The following PNPLA3 variants were observed in gnomAD, a reference collection of about 807,000 sequenced individuals.
PNPLA3 encodes 1-acylglycerol-3-phosphate O-acyltransferase PNPLA3.
In PNPLA3, 42 loss-of-function variants were observed where a neutral mutation model predicts 43.1. The ratio of observed to expected loss-of-function variants is 0.97; its 90% CI spans 0.76 to 1.26. The LOEUF is 1.26. Among genes scored for constraint, PNPLA3 ranks in the 50% most tolerant of loss-of-function variants. The pLI is 0.00. For missense variants in PNPLA3, 647 were observed against 621.4 expected (o/e 1.04, Z -0.44); for synonymous variants, 272 against 253.6 (o/e 1.07, Z -0.69).
intron 7 of PNPLA3, among the ~76,000 whole-genome samples, chr22:43,944,117 T>G (rs2050048254): frequency 6.6e-6 from 1 of 152,068 alleles, no homozygotes; most frequent in Non-Finnish European, 1.5e-5. Context: ...AGTCTCTCCT[T>G]CAAAAGCCGG....
At position 43,944,765 on chromosome 22, in the gene PNPLA3, G is replaced by C; in HGVS notation, c.1187G>C (p.Arg396Pro). The change falls in exon 8 of 9, where the codon CGA becomes CCA. Residue 396 changes from arginine to proline, a missense_variant. Coordinates refer to ENST00000216180, the MANE Select transcript of PNPLA3 (RefSeq NM_025225.3). ...LQWVTSQVFT[R>P]VLMCLLPASR... ...TGGGTGACCTCACAGGTGTTCACTC[G>C]AGTGCTGATGTGTCTGCTCCCCGCC... The C allele has an allele frequency of 6.2e-7, 1 of 1,614,194 alleles. No individual in the cohort carries two copies.
intron 1 of PNPLA3, 185 bp downstream of exon 1, chr22:43,924,283 G>GGGAA (rs1189373037): frequency 8.2e-6 from 6 of 730,312 alleles, no homozygotes; most frequent in Non-Finnish European, 1.2e-5. Flanking sequence ...TCCTGGGCCC[G>GGGAA]GGAAGGGGGC....
chr22:43,942,743 C>T (rs765951783), intron 7 of PNPLA3, among the ~76,000 whole-genome samples: 1 of 138,404 alleles, frequency 7.2e-6, no homozygotes, highest in African/African-American at 2.7e-5. Context: ...TACTCTGGTG[C>T]CCAGGCTGGA....
intron 7 of PNPLA3, among the ~76,000 whole-genome samples, chr22:43,944,207 G>T (rs1033422448): frequency 2.0e-5 from 3 of 152,086 alleles, no homozygotes; most frequent in African/African-American, 4.8e-5. Context: ...CACCACTGCC[G>T]GGGGGATGTC....
At chr22:43,945,831 G>A (rs1481942184) in intron 8 of PNPLA3, among the ~76,000 whole-genome samples, 7 of 152,130 alleles carry the variant, frequency 4.6e-5, no homozygotes, top group African/African-American at 7.2e-5. Flanking sequence ...GGTGCCAGGC[G>A]GTGGGTGGTA....
intron 4 of PNPLA3, among the ~76,000 whole-genome samples, 191 bp from the exon 5 acceptor site, chr22:43,934,415 C>T (rs117013358): frequency 3.5e-3 from 536 of 152,146 alleles, no homozygotes; most frequent in Non-Finnish European, 6.1e-3. Context: ...ACATTCAAGC[C>T]GAGACCTCCA....
In PNPLA3 at chr22:43,941,557, T is replaced by C. The variant is rs997887134; in HGVS notation, c.1112+1432T>C. On this transcript the variant is annotated intron_variant, in intron 7 of 8. Coordinates refer to ENST00000216180, the MANE Select transcript of PNPLA3 (RefSeq NM_025225.3). Reference sequence around the variant, plus strand: ...CTGACTCACAGTGCAGGAGTACTCATCCCATAGTAAGCATCCAGCTAGAGA... The same window carrying C: ...CTGACTCACAGTGCAGGAGTACTCACCCCATAGTAAGCATCCAGCTAGAGA... Among the ~76,000 whole-genome samples the C allele has an allele frequency of 2.0e-5, 3 of 152,180 alleles. No individual in the cohort carries two copies. In the East Asian group the frequency reaches 5.8e-4, roughly 29 times the overall value.
chr22:43,942,521 CTG>C (rs1028229598), intron 7 of PNPLA3, among the ~76,000 whole-genome samples: 3 of 152,010 alleles, frequency 2.0e-5, no homozygotes, highest in African/African-American at 7.3e-5. Context: ...GCTCTTAGGA[CTG>C]TCTTTTTATC....
intron 7 of PNPLA3, among the ~76,000 whole-genome samples, chr22:43,940,372 A>C (rs952460433): frequency 3.3e-5 from 5 of 152,180 alleles, no homozygotes; most frequent in African/African-American, 1.2e-4. Flanking sequence ...CTCACATAGC[A>C]GCTGGTCCAG....
At chr22:43,942,217 C>T (rs1275486747) in intron 7 of PNPLA3, among the ~76,000 whole-genome samples, 1 of 152,218 alleles carries the variant, frequency 6.6e-6, no homozygotes, top group Admixed American at 6.5e-5. Flanking sequence ...CTGTCCACCA[C>T]ACAGCTACAT....
At chr22:43,926,332 G>A (rs1042319460) in intron 1 of PNPLA3, among the ~76,000 whole-genome samples, 3 of 152,188 alleles carry the variant, frequency 2.0e-5, no homozygotes, top group African/African-American at 7.2e-5. Context: ...GGGTGGTCTT[G>A]CATGCCAGGA....
In PNPLA3 at chr22:43,932,908, G is replaced by C; in HGVS notation, c.517G>C (p.Val173Leu). 3 of 1,614,158 alleles carry C rather than the reference G, an allele frequency of 1.9e-6. No individual in the cohort carries two copies. The highest frequency in any genetic ancestry group is 2.5e-6 in the Non-Finnish European group (3 of 1,180,018). ...TGTGGATGGAGGAGTGAGTGACAAC[G>C]TACCCTTCATTGATGCCAAAACAAC... is the stretch of plus-strand genomic sequence containing the variant. ...RYVDGGVSDN[V>L]PFIDAKTTIT... The change falls in exon 4 of 9, where the codon GTA becomes CTA. Residue 173 changes from valine (V) to leucine (L), a missense_variant. Coordinates refer to ENST00000216180, the MANE Select transcript of PNPLA3 (RefSeq NM_025225.3).
At chr22:43,928,445 C>G (rs2049939225) in intron 2 of PNPLA3, among the ~76,000 whole-genome samples, 1 of 152,124 alleles carries the variant, frequency 6.6e-6, no homozygotes, top group Admixed American at 6.5e-5. Context: ...GACGCAGAAT[C>G]TCTGGTTCCA....
chr22:43,942,701 CTTT>C (rs398037291), intron 7 of PNPLA3, among the ~76,000 whole-genome samples: 5 of 113,632 alleles, frequency 4.4e-5, no homozygotes, highest in Non-Finnish European at 7.0e-5. Flanking sequence ...TTTCTTTTTT[CTTT>C]TTTTTTTTTT....
rs972320535 is a variant in PNPLA3, at chr22:43,944,566, G to T, written c.1113-125G>T. ...GGCTTGTCCTTGTCCTAGCATCCCA[G>T]ATCCACCTTCTGGGAAGTCATCAGA... is the stretch of plus-strand genomic sequence containing the variant. On this transcript the variant is annotated intron_variant, in intron 7 of 8. Transcript: ENST00000216180. The T allele has an allele frequency of 3.6e-5, 27 of 753,272 alleles. No individual in the cohort carries two copies. The Admixed American group carries it at 5.0e-4, about 14-fold the overall frequency. 46.7% of individuals were successfully genotyped at this position (753,272 alleles called of 1,614,324 possible).
intron 2 of PNPLA3, among the ~76,000 whole-genome samples, chr22:43,928,281 A>T (rs1428219985): frequency 6.6e-6 from 1 of 152,202 alleles, no homozygotes; most frequent in Non-Finnish European, 1.5e-5. Context: ...CCGTTCTCCC[A>T]GTGAATCACC....
chr22:43,933,209 A>G (rs1435494790), intron 4 of PNPLA3, 122 bp downstream of exon 4: 2 of 940,848 alleles, frequency 2.1e-6, no homozygotes, highest in East Asian at 4.9e-5. Context: ...CTTGATGGTT[A>G]ACGGAAATAA....
intron 4 of PNPLA3, among the ~76,000 whole-genome samples, chr22:43,934,151 C>T (rs1977080): frequency 0.19 from 29,050 of 151,336 alleles, 3,310 homozygotes; most frequent in East Asian, 0.39. Flanking sequence ...ACCCCGTCTC[C>T]ATGAAAAATA....
chr22:43,941,759 G>C (rs2050032661), intron 7 of PNPLA3, among the ~76,000 whole-genome samples: 1 of 152,040 alleles, frequency 6.6e-6, no homozygotes, highest in African/African-American at 2.4e-5. Context: ...ACCGACCTCA[G>C]TGGGTTGTCT....
Sources: allele counts gnomAD v4.1 joint callset (sites outside exome capture counted in the v4.1 genomes callset), GRCh38; gene constraint gnomAD v4.1.1; transcripts MANE v1.5; gene names NCBI Gene and HGNC (gene_info 2026-07-23, HGNC 2026-07-21).